GBP5: variants seen among roughly 807,000 people sequenced by gnomAD.
The protein encoded by GBP5 is guanylate-binding protein 5.
Under a neutral mutation model 58.2 loss-of-function variants are expected in GBP5, and 48 were observed. The observed-to-expected ratio is 0.83, with a 90% CI of 0.65 to 1.05. The LOEUF is 1.05. Among genes scored for constraint, GBP5 ranks in the 50% least tolerant of loss-of-function variants. The probability of loss-of-function intolerance (pLI) is 0.00; values close to 1 mark genes in which losing one functional copy is unlikely to be tolerated. For synonymous variants in GBP5, 248 were observed against 251.8 expected (o/e 0.98, Z 0.14); for missense variants, 714 against 686.8 (o/e 1.04, Z -0.44).
intron 1 of GBP5, 133 bp downstream of exon 1, chr1:89,272,319 G>C (rs1650491139): frequency 6.6e-6 from 1 of 152,244 alleles, no homozygotes; most frequent in Non-Finnish European, 1.5e-5. Flanking sequence ...CTGCCTGTCT[G>C]ATAAGAATAC....
rs775677633 is a variant in GBP5 at position 89,262,699 on chromosome 1, C to T, written c.1449G>A (p.Thr483=). The T allele has an allele frequency of 2.2e-5, 35 of 1,599,740 alleles. No homozygotes were observed. Among genetic ancestry groups the T allele is most frequent in the African/African-American group, 6.7e-5 (5 of 74,130 alleles). ...TCTTCTCACCTTTCTTCTTTTTTTCCGTCTCTGTGAGAGCCTGGTCAGTCT... is the reference window on the plus strand; with the variant it reads ...TCTTCTCACCTTTCTTCTTTTTTTCTGTCTCTGTGAGAGCCTGGTCAGTCT... ...ILQTDQALTE[T]EKKKKEAQVK... Residue 483 remains threonine (T), a synonymous_variant, in exon 10 of 12, where the codon ACG becomes ACA. Transcript: ENST00000370459.
chr1:89,265,228 CCTT>C (rs1438944491), intron 7 of GBP5, among the ~76,000 whole-genome samples: 3 of 152,136 alleles, frequency 2.0e-5, no homozygotes, highest in Non-Finnish European at 4.4e-5. Context: ...TACAGTTCAT[CCTT>C]CTCTGATGGA....
chr1:89,272,766 A>C lies in GBP5; in HGVS notation c.-442T>G, dbSNP rs867597832. 1 of 152,896 alleles carries C rather than the reference A, an allele frequency of 6.5e-6. No homozygotes were observed. The highest frequency in any genetic ancestry group is 1.9e-4 in the East Asian group (1 of 5,218). 9.5% of individuals were successfully genotyped at this position (152,896 alleles called of 1,614,324 possible). A position where few individuals can be genotyped will look rare whatever the true frequency, so the allele number is the denominator to read the frequency against. ...ACATTCCCAGTGAGTGTTACAGCTC[A>C]TAAAGGCAGTGTGGACCCAAAGAGT... On this transcript the variant is annotated 5_prime_UTR_variant, in exon 1 of 12. It removes an upstream start codon present in the reference 5' UTR. Transcript: ENST00000370459.
chr1:89,264,814 C>G lies in GBP5; in HGVS notation c.1021G>C (p.Val341Leu). The G allele has an allele frequency of 6.2e-7, 1 of 1,614,208 alleles. No homozygotes were observed. The highest frequency in any genetic ancestry group is 1.6e-4 in the Middle Eastern group (1 of 6,062). ...AHYDQQMGQKVQLPMETLQEL... is the reference protein window; with the variant it reads ...AHYDQQMGQKLQLPMETLQEL... ...TGGAGGGTTTCCATGGGCAGCTGCA[C>G]TTTCTGGCCCATTTGCTGGTCATAG... The change falls in exon 8 of 12, where the codon GTG (valine) becomes CTG (leucine). Residue 341 changes from valine (V) to leucine (L), a missense_variant. By Grantham distance (32) the Val-to-Leu change is conservative. Transcript: ENST00000370459.
intron 7 of GBP5, among the ~76,000 whole-genome samples, chr1:89,265,803 T>C (rs1158860166): frequency 1.4e-4 from 22 of 151,958 alleles, no homozygotes; most frequent in Admixed American, 1.4e-3. Flanking sequence ...GTTTGAACTT[T>C]CCTGTTTTAC....
At position 89,272,440 on chromosome 1, in the gene GBP5, C is replaced by T; in HGVS notation, c.-128+12G>A. ...TCTTGCAAATCTCTTCCACCTCTTG[C>T]CCCAGTCTTACCGTGTCCGGAATTG... is the stretch of plus-strand genomic sequence containing the variant. On this transcript the variant is annotated intron_variant, in intron 1 of 11. Coordinates refer to ENST00000370459, the MANE Select transcript of GBP5 (RefSeq NM_052942.5). 6.0e-6 allele frequency: 1 copy of T among 166,112 alleles called. No homozygotes were observed. The highest frequency in any genetic ancestry group is 1.3e-5 in the Non-Finnish European group (1 of 79,310). The allele number at this position is 166,112 out of a possible 1,614,324, so 10.3% of individuals were successfully genotyped here.
At chr1:89,266,707 T>G (rs771204823) in intron 6 of GBP5, 119 bp from the exon 7 acceptor site, 91 of 1,033,558 alleles carry the variant, frequency 8.8e-5, no homozygotes, top group Middle Eastern at 6.5e-4. Context: ...TCATAAACCC[T>G]AAGTAAAAAG....
At position 89,263,790 on chromosome 1, in the gene GBP5, CTGAA is replaced by C; in HGVS notation, c.1304_1307del (p.Ile435ArgfsTer6). 3.1e-6 allele frequency: 5 copies of C among 1,613,878 alleles called. No homozygotes were observed. Among genetic ancestry groups the C allele is most frequent in the Non-Finnish European group, 4.2e-6 (5 of 1,179,954 alleles). ...ACTTTGCCTTCAGTTCTTCTGTTTT[CTGAA>C]TGAAGAGATTATGGCCTCCTGGCTT... is the stretch of plus-strand genomic sequence containing the variant. On this transcript the variant is annotated frameshift_variant, in exon 9 of 12. Coordinates refer to ENST00000370459, the MANE Select transcript of GBP5 (RefSeq NM_052942.5). LOFTEE classifies it high-confidence loss of function.
In GBP5 at chr1:89,266,413, G is replaced by A; in HGVS notation, c.801C>T (p.Phe267=). 6.2e-7 allele frequency: 1 copy of A among 1,613,948 alleles called. No homozygotes were observed. The highest frequency in any genetic ancestry group is 1.3e-5 in the African/African-American group (1 of 75,046). Residue 267 remains phenylalanine, a synonymous_variant, in exon 7 of 12, where the codon TTC becomes TTT. Coordinates refer to ENST00000370459, the MANE Select transcript of GBP5 (RefSeq NM_052942.5). ...TAGAATGGCTAAAGATGTAGGAACA[G>A]AATTCTGTCACTTGTTGCACAAATT... is the stretch of plus-strand genomic sequence containing the variant. ...EPEFVQQVTE[F]CSYIFSHSMT...
chr1:89,264,605 A>G, intron 8 of GBP5, 81 bp downstream of exon 8: 3 of 1,239,772 alleles, frequency 2.4e-6, no homozygotes, highest in Non-Finnish European at 3.4e-6. Flanking sequence ...TTTTTTTCTT[A>G]GCTAAGTCCT....
chr1:89,266,593 A>G lies in GBP5; in HGVS notation c.626-5T>C. ...TTTGAACTCTTTGATCACTACCTGG[A>G]GAATAAAAAATAGGATTTATTTAGC... On this transcript the variant is annotated splice_region_variant and splice_polypyrimidine_tract_variant and intron_variant, in intron 6 of 11. Transcript: ENST00000370459. The G allele has an allele frequency of 1.2e-6, 2 of 1,604,382 alleles. No individual in the cohort carries two copies. Among genetic ancestry groups the G allele is most frequent in the South Asian group, 2.2e-5 (2 of 89,866 alleles).
chr1:89,271,761 C>T (rs1650462891), intron 1 of GBP5: 1 of 152,166 alleles, frequency 6.6e-6, no homozygotes, highest in Admixed American at 6.5e-5. Context: ...AACGAGTGAA[C>T]AGTTGCCAGA....
At chr1:89,262,907 G>A (rs1408644283) in intron 9 of GBP5, 122 bp from the exon 10 acceptor site, 1 of 606,676 alleles carries the variant, frequency 1.6e-6, no homozygotes, top group East Asian at 3.1e-5. Context: ...CCATAGGAGA[G>A]GCTCCATAGG....
chr1:89,269,302 G>C (rs550088791), intron 3 of GBP5, 64 bp downstream of exon 3: 16 of 1,485,850 alleles, frequency 1.1e-5, no homozygotes, highest in Admixed American at 8.5e-5. Context: ...TTGCTTCCTC[G>C]TACTGGATGG....
At chr1:89,263,702 AG>A (rs1243813040) in intron 9 of GBP5, 33 bp downstream of exon 9, 1 of 1,488,562 alleles carries the variant, frequency 6.7e-7, no homozygotes, top group Non-Finnish European at 9.4e-7. Flanking sequence ...GAGGTCCCTC[AG>A]CAATTCTCCA....
In GBP5 at chr1:89,260,808, C is replaced by CA. The variant is rs781141273; in HGVS notation, c.1656dup (p.Ala553CysfsTer12). ...GCTTGGAATGTTGTGCTGAGCTGTGCAGCCTGTTCCTAAAGAGTGATAAAT... is the reference window on the plus strand; with the variant it reads ...GCTTGGAATGTTGTGCTGAGCTGTGCAAGCCTGTTCCTAAAGAGTGATAAAT... On this transcript the variant is annotated frameshift_variant, in exon 12 of 12. Transcript: ENST00000370459. LOFTEE classifies it low-confidence loss of function (END_TRUNC). 4 of 1,612,730 alleles carry CA rather than the reference C, an allele frequency of 2.5e-6. No homozygotes were observed. In the African/African-American group the frequency reaches 5.3e-5, roughly 22 times the overall value.
Position 89,258,497 on chromosome 1 carries a change from T to C in GBP5, c.*2207A>G, listed in dbSNP as rs1352429462. On this transcript the variant is annotated 3_prime_UTR_variant, in exon 12 of 12. Coordinates refer to ENST00000370459, the MANE Select transcript of GBP5 (RefSeq NM_052942.5). The stretch of plus-strand genomic sequence containing the variant: ...TGCTAGACAAATGCTCAGTTGAATA[T>C]GCTGGTACCTTCTGAACTTCAGTTC... Among the ~76,000 whole-genome samples, 2 of 152,332 alleles carry C rather than the reference T, an allele frequency of 1.3e-5. No individual in the cohort carries two copies. The highest frequency in any genetic ancestry group is 2.4e-5 in the African/African-American group (1 of 41,570).
In GBP5 at chr1:89,257,896, G is replaced by T. The variant is rs1649846824; in HGVS notation, c.*2808C>A. 6.6e-6 allele frequency among the ~76,000 whole-genome samples: 1 copy of T among 152,176 alleles called. No homozygotes were observed. Among genetic ancestry groups the T allele is most frequent in the Non-Finnish European group, 1.5e-5 (1 of 68,036 alleles). ...AAGCTTAAATCAAGATGTTAACAAG[G>T]CTGCATTCCATCTGCAGGCTCTAGG... On this transcript the variant is annotated 3_prime_UTR_variant, in exon 12 of 12. Transcript: ENST00000370459.
chr1:89,269,596 A>G (rs961639933), intron 2 of GBP5, 22 bp from the exon 3 acceptor site: 1 of 1,515,288 alleles, frequency 6.6e-7, no homozygotes. Context: ...CAGATGGGAT[A>G]GGCTGGAATT....
Sources: gnomAD v4.1 joint callset for allele counts (sites outside exome capture counted in the v4.1 genomes callset) on GRCh38, gnomAD v4.1.1 for gene constraint, MANE v1.5 for transcripts, NCBI Gene and HGNC (gene_info 2026-07-23, HGNC 2026-07-21) for gene names.